SH3RF1: variants seen among roughly 807,000 people sequenced by gnomAD.
The protein encoded by SH3RF1 is E3 ubiquitin-protein ligase SH3RF1.
A neutral mutation model predicts 74.0 loss-of-function variants in SH3RF1; 32 were observed. The ratio of observed to expected loss-of-function variants is 0.43; its 90% confidence interval spans 0.33 to 0.58. The LOEUF (loss-of-function observed/expected upper bound fraction) is 0.58, where lower values mean the gene tolerates loss of function less well. Ranked by LOEUF, SH3RF1 falls within the 20% of genes least tolerant of loss-of-function variation. The probability of loss-of-function intolerance (pLI) is 0.05; values close to 1 mark genes in which losing one functional copy is unlikely to be tolerated. For missense variants in SH3RF1, 954 were observed against 1,130.9 expected (o/e 0.84, Z 2.24); for synonymous variants, 396 against 439.6 (o/e 0.90, Z 1.24).
chr4:169,235,166 C>G (rs1459832635), intron 2 of SH3RF1, among the ~76,000 whole-genome samples: 1 of 152,300 alleles, frequency 6.6e-6, no homozygotes, highest in East Asian at 1.9e-4. Context: ...TATAATCCTA[C>G]TGTGCAAAAC....
chr4:169,199,586 G>C (rs2126989297), intron 2 of SH3RF1, among the ~76,000 whole-genome samples: 1 of 151,960 alleles, frequency 6.6e-6, no homozygotes, highest in East Asian at 1.9e-4. Flanking sequence ...AACAGCAAAT[G>C]GTCCTGGAAA....
chr4:169,173,525 C>G (rs962965001), intron 2 of SH3RF1, among the ~76,000 whole-genome samples: 5 of 152,010 alleles, frequency 3.3e-5, no homozygotes, highest in Admixed American at 3.3e-4. Context: ...ATCATGCTCC[C>G]TGCTTCTGCA....
At chr4:169,253,475 A>G (rs1731136680) in intron 2 of SH3RF1, among the ~76,000 whole-genome samples, 1 of 152,198 alleles carries the variant, frequency 6.6e-6, no homozygotes, top group South Asian at 2.1e-4. Flanking sequence ...TGGCTGGCTT[A>G]TGATTTGAGA....
intron 2 of SH3RF1, among the ~76,000 whole-genome samples, chr4:169,231,090 A>G (rs997647331): frequency 6.6e-6 from 1 of 152,194 alleles, no homozygotes; most frequent in Non-Finnish European, 1.5e-5. Context: ...TGTAAATAGA[A>G]GGTGGTCGTA....
At chr4:169,120,681 T>A in intron 8 of SH3RF1, 138 bp downstream of exon 8, 3 of 860,634 alleles carry the variant, frequency 3.5e-6, no homozygotes, top group African/African-American at 1.7e-5. Flanking sequence ...TTTTAGCAGA[T>A]GTAGACATGG....
chr4:169,245,413 A>G (rs558617415), intron 2 of SH3RF1, among the ~76,000 whole-genome samples: 1 of 152,332 alleles, frequency 6.6e-6, no homozygotes, highest in East Asian at 1.9e-4. Context: ...TACATATTTA[A>G]ATGTCCATGT....
intron 2 of SH3RF1, among the ~76,000 whole-genome samples, chr4:169,209,166 G>A (rs1024505635): frequency 6.6e-6 from 1 of 151,974 alleles, no homozygotes; most frequent in Non-Finnish European, 1.5e-5. Flanking sequence ...GCACGCACCT[G>A]TGATCCCAGC....
intron 11 of SH3RF1, among the ~76,000 whole-genome samples, chr4:169,104,747 C>T (rs1733104060): frequency 6.6e-6 from 1 of 151,640 alleles, no homozygotes; most frequent in Admixed American, 6.6e-5. Context: ...ACTGAAAATA[C>T]AAAAAAATTA....
Position 169,250,931 on chromosome 4 carries a change from A to G in SH3RF1, c.393+17889T>C, listed in dbSNP as rs575993065. ...CTGGGTAAAAGCTGACCTTCCTTCC[A>G]GGCAGGGCAAAGACTAAGTGCAAAG... On this transcript the variant is annotated intron_variant, in intron 2 of 11. Transcript: ENST00000284637. 2.0e-5 allele frequency among the ~76,000 whole-genome samples: 3 copies of G among 152,346 alleles called. No homozygotes were observed. The South Asian group carries it at 6.2e-4, about 32-fold the overall frequency.
intron 11 of SH3RF1, among the ~76,000 whole-genome samples, chr4:169,098,200 TAATAA>T: frequency 6.6e-6 from 1 of 152,384 alleles, no homozygotes; most frequent in South Asian, 2.1e-4. Flanking sequence ...AACAGATATC[TAATAA>T]ATACATCTTT....
chr4:169,137,573 G>A (rs1471552721), intron 4 of SH3RF1, among the ~76,000 whole-genome samples: 2 of 152,112 alleles, frequency 1.3e-5, no homozygotes, highest in Non-Finnish European at 2.9e-5. Flanking sequence ...TAATATTAAG[G>A]AAAACAGTGA....
intron 4 of SH3RF1, among the ~76,000 whole-genome samples, chr4:169,145,974 TATA>T (rs1440331481): frequency 7.6e-6 from 1 of 131,488 alleles, no homozygotes; most frequent in African/African-American, 3.0e-5. Context: ...ACATATTCTA[TATA>T]TTATTCTATA....
At chr4:169,104,007 CT>C (rs1733087945) in intron 11 of SH3RF1, among the ~76,000 whole-genome samples, 1 of 152,178 alleles carries the variant, frequency 6.6e-6, no homozygotes, top group South Asian at 2.1e-4. Flanking sequence ...CATCACCTGT[CT>C]GAGCTAGCAA....
intron 2 of SH3RF1, among the ~76,000 whole-genome samples, chr4:169,223,124 G>T (rs531524749): frequency 2.0e-4 from 30 of 152,238 alleles, no homozygotes; most frequent in Admixed American, 7.2e-4. Flanking sequence ...CCTTCCTGGG[G>T]CCTTTCTGCC....
rs1733339527 is a variant in SH3RF1 at position 169,116,632 on chromosome 4, T to C, written c.1778-2A>G. 6.5e-7 allele frequency: 1 copy of C among 1,527,750 alleles called. No homozygotes were observed. Among genetic ancestry groups the C allele is most frequent in the Non-Finnish European group, 8.8e-7 (1 of 1,134,914 alleles). 94.6% of individuals were successfully genotyped at this position (1,527,750 alleles called of 1,614,324 possible). ...GGCGTTCCTGGTTGTGCGCTGCAAC[T>C]AGTAGATGGGAAGAGGGAACACAGC... On this transcript the variant is annotated splice_acceptor_variant, in intron 9 of 11. Transcript: ENST00000284637. LOFTEE classifies it high-confidence loss of function.
intron 8 of SH3RF1, among the ~76,000 whole-genome samples, chr4:169,119,498 G>C (rs1733402463): frequency 6.6e-6 from 1 of 151,732 alleles, no homozygotes; most frequent in African/African-American, 2.4e-5. Context: ...TTATAAAAAT[G>C]TTTTCCTTCA....
At chr4:169,183,779 CA>C (rs1204459459) in intron 2 of SH3RF1, among the ~76,000 whole-genome samples, 2 of 146,490 alleles carry the variant, frequency 1.4e-5, no homozygotes, top group Admixed American at 6.8e-5. Flanking sequence ...CAAAACAGAA[CA>C]AAAAAAACTG....
intron 2 of SH3RF1, among the ~76,000 whole-genome samples, chr4:169,255,014 G>C (rs551544513): frequency 5.3e-5 from 8 of 152,292 alleles, no homozygotes; most frequent in South Asian, 2.1e-4. Flanking sequence ...AAAGGAATGA[G>C]AGTACATTGC....
At chr4:169,255,884 C>G (rs1731185667) in intron 2 of SH3RF1, among the ~76,000 whole-genome samples, 1 of 152,066 alleles carries the variant, frequency 6.6e-6, no homozygotes, top group Admixed American at 6.5e-5. Context: ...CCTCCCCCCT[C>G]AGCTTCTGAA....
Sources: gnomAD v4.1 joint callset for allele counts (sites outside exome capture counted in the v4.1 genomes callset) on GRCh38, gnomAD v4.1.1 for gene constraint, MANE v1.5 for transcripts, NCBI Gene and HGNC (gene_info 2026-07-23, HGNC 2026-07-21) for gene names.